The following FLACC1 variants were observed in gnomAD, a reference collection of about 807,000 sequenced individuals.
FLACC1 encodes the protein flagellum associated containing coiled-coil domains 1.
FLACC1 carries 66 observed loss-of-function variants against 62.8 expected under a neutral mutation model. The observed-to-expected ratio is 1.05, with a 90% CI of 0.86 to 1.29. The LOEUF is 1.29. FLACC1 is among the 50% of genes most tolerant of loss of function. The pLI is 0.00. For synonymous variants in FLACC1, 156 were observed against 161.0 expected, an observed-to-expected ratio of 0.97 and a Z score of 0.24; for missense variants, 452 against 489.1, an observed-to-expected ratio of 0.92 and a Z score of 0.71.
chr2:201,345,274 C>T (rs559994907), intron 5 of FLACC1, among the ~76,000 whole-genome samples: 1 of 152,256 alleles, frequency 6.6e-6, no homozygotes, highest in Non-Finnish European at 1.5e-5. Context: ...AGGGTGAATG[C>T]CCCTGGCCCC....
In FLACC1 at chr2:201,331,711, A is replaced by G. The variant is rs375344751; in HGVS notation, c.525-878T>C. On this transcript the variant is annotated intron_variant, in intron 7 of 14. Coordinates refer to ENST00000392257, the MANE Select transcript of FLACC1 (RefSeq NM_001127391.3). ...TTGCCCAAGGTTAGGGATGGGAGGT[A>G]GGATGAATAGGCAGAGCGAAGCAGA... is the stretch of plus-strand genomic sequence containing the variant. Among the ~76,000 whole-genome samples, 75 of 152,362 alleles carry G rather than the reference A, an allele frequency of 4.9e-4. 1 individual carries two copies. The South Asian group carries it at 0.015, about 31-fold the overall frequency.
At chr2:201,361,235 C>T (rs1951183878), upstream of FLACC1, among the ~76,000 whole-genome samples, 1 of 152,160 alleles carries the variant, frequency 6.6e-6, no homozygotes, top group Non-Finnish European at 1.5e-5. Context: ...TACCCTTTAC[C>T]TTCAAAACAA....
chr2:201,290,600 G>A (rs1304941512), intron 12 of FLACC1, among the ~76,000 whole-genome samples: 3 of 152,188 alleles, frequency 2.0e-5, no homozygotes, highest in Non-Finnish European at 4.4e-5. Context: ...CTCCCAGCGT[G>A]AGCGATGCAG....
At chr2:201,290,863 G>A (rs562478500) in intron 12 of FLACC1, among the ~76,000 whole-genome samples, 8 of 152,280 alleles carry the variant, frequency 5.3e-5, no homozygotes, top group Admixed American at 2.0e-4. Flanking sequence ...CTTAGCAAAC[G>A]GCACACCAGA....
intron 12 of FLACC1, among the ~76,000 whole-genome samples, chr2:201,295,982 G>A (rs1340534574): frequency 1.3e-5 from 2 of 152,142 alleles, no homozygotes; most frequent in Non-Finnish European, 2.9e-5. Context: ...ACACCAGTTA[G>A]AATGGCGATC....
At chr2:201,361,200 T>C (rs1951183628), upstream of FLACC1, among the ~76,000 whole-genome samples, 1 of 152,172 alleles carries the variant, frequency 6.6e-6, no homozygotes, top group Non-Finnish European at 1.5e-5. Flanking sequence ...CATTCAGGTC[T>C]CAGGGAATGC....
chr2:201,352,130 A>G (rs946104362), intron 1 of FLACC1: 3 of 152,332 alleles, frequency 2.0e-5, no homozygotes, highest in South Asian at 2.1e-4. Context: ...GGAAACAAAC[A>G]CAAATCTCTT....
At chr2:201,305,931 T>G (rs1576425664) in intron 11 of FLACC1, among the ~76,000 whole-genome samples, 1 of 122,348 alleles carries the variant, frequency 8.2e-6, no homozygotes, top group African/African-American at 3.1e-5. Flanking sequence ...CCAGGGCCAG[T>G]TGTGGGGTGG....
At chr2:201,363,892 C>A in the FLACC1 span, among the ~76,000 whole-genome samples, 14 of 152,210 alleles carry the variant, frequency 9.2e-5, no homozygotes, top group African/African-American at 1.4e-4. Flanking sequence ...TGGCTACCCA[C>A]TGCATTCTCC....
intron 1 of FLACC1, among the ~76,000 whole-genome samples, chr2:201,353,403 T>A (rs1256322592): frequency 6.6e-6 from 1 of 152,070 alleles, no homozygotes; most frequent in African/African-American, 2.4e-5. Flanking sequence ...TACTTGGAAG[T>A]ATGAGGTAAA....
At chr2:201,325,032 G>A (rs1056731548) in intron 9 of FLACC1, among the ~76,000 whole-genome samples, 4 of 152,138 alleles carry the variant, frequency 2.6e-5, no homozygotes, top group African/African-American at 9.7e-5. Flanking sequence ...TACTTGGGAG[G>A]CTGAGGTGCG....
upstream of FLACC1, chr2:201,357,514 A>G (rs1427001356): frequency 6.6e-6 from 1 of 152,274 alleles, no homozygotes; most frequent in Non-Finnish European, 1.5e-5. Context: ...CCTCAACAGC[A>G]AAGAATTCAT....
At chr2:201,292,136 G>A (rs1019501101) in intron 12 of FLACC1, among the ~76,000 whole-genome samples, 1 of 152,198 alleles carries the variant, frequency 6.6e-6, no homozygotes, top group African/African-American at 2.4e-5. Flanking sequence ...CCCCAACCGA[G>A]CAAGGCAGGC....
intron 9 of FLACC1, among the ~76,000 whole-genome samples, chr2:201,325,178 G>C (rs1421292751): frequency 6.6e-6 from 1 of 152,038 alleles, no homozygotes; most frequent in Non-Finnish European, 1.5e-5. Flanking sequence ...CAAAAGCAGT[G>C]CTAGGAAAGT....
intron 7 of FLACC1, among the ~76,000 whole-genome samples, chr2:201,340,947 G>T (rs757899894): frequency 9.2e-5 from 14 of 152,100 alleles, no homozygotes; most frequent in Non-Finnish European, 1.5e-4. Context: ...TGGCCTGCAG[G>T]GTTTCTGTTA....
intron 7 of FLACC1, among the ~76,000 whole-genome samples, chr2:201,336,061 A>T (rs1049224644): frequency 6.6e-6 from 1 of 152,184 alleles, no homozygotes; most frequent in African/African-American, 2.4e-5. Flanking sequence ...TTGCATAGGT[A>T]AATTGTACAT....
chr2:201,292,102 G>T lies in FLACC1; in HGVS notation c.943-2317C>A, dbSNP rs555487611. Among the ~76,000 whole-genome samples the T allele has an allele frequency of 5.6e-4, 85 of 152,336 alleles. 2 individuals are homozygous for T. The South Asian group carries it at 0.011, about 20-fold the overall frequency. The stretch of plus-strand genomic sequence containing the variant: ...ATGGAACCAAGTTGGAAAACACTCT[G>T]CAGGATATTATCCAGGAGAACTTCC... On this transcript the variant is annotated intron_variant, in intron 12 of 14. Coordinates refer to ENST00000392257, the MANE Select transcript of FLACC1 (RefSeq NM_001127391.3).
chr2:201,295,760 C>T (rs987309145), intron 12 of FLACC1, among the ~76,000 whole-genome samples: 3 of 152,268 alleles, frequency 2.0e-5, no homozygotes, highest in African/African-American at 7.2e-5. Flanking sequence ...GCAACCTACT[C>T]ATCTGACAAA....
intron 12 of FLACC1, among the ~76,000 whole-genome samples, chr2:201,294,873 C>A (rs1243643461): frequency 6.6e-6 from 1 of 152,064 alleles, no homozygotes; most frequent in African/African-American, 2.4e-5. Flanking sequence ...TCCTATACAC[C>A]AATAACAGAC....
Sources: gnomAD v4.1 joint callset for allele counts (sites outside exome capture counted in the v4.1 genomes callset) on GRCh38, gnomAD v4.1.1 for gene constraint, MANE v1.5 for transcripts, NCBI Gene and HGNC (gene_info 2026-07-23, HGNC 2026-07-21) for gene names.